Variants in SPAG16 observed in about 807,000 individuals in gnomAD.
SPAG16 encodes the protein sperm associated antigen 16, also known as sperm-associated antigen 16 protein.
SPAG16 carries 86 observed loss-of-function variants against 80.4 expected under a neutral mutation model. The ratio of observed to expected loss-of-function variants is 1.07; its 90% confidence interval spans 0.90 to 1.28. The LOEUF (loss-of-function observed/expected upper bound fraction) is 1.28. Among genes scored for constraint, SPAG16 ranks in the 50% most tolerant of loss-of-function variants. The pLI is 0.00. For missense variants in SPAG16, 870 were observed against 765.3 expected (o/e 1.14, Z -1.61); for synonymous variants, 294 against 265.9 (o/e 1.11, Z -1.03).
chr2:213,481,411 T>C (rs2073743374), intron 9 of SPAG16, among the ~76,000 whole-genome samples: 1 of 152,242 alleles, frequency 6.6e-6, no homozygotes, highest in Admixed American at 6.5e-5. Flanking sequence ...TTTCAATTAA[T>C]TGCTTACATT....
intron 15 of SPAG16, among the ~76,000 whole-genome samples, chr2:214,387,652 C>G (rs1700835094): frequency 6.6e-6 from 1 of 152,162 alleles, no homozygotes; most frequent in Non-Finnish European, 1.5e-5. Context: ...GTTTAATTCA[C>G]TCACAGTTCA....
At chr2:213,921,441 G>C (rs2078219963) in intron 11 of SPAG16, among the ~76,000 whole-genome samples, 2 of 152,120 alleles carry the variant, frequency 1.3e-5, no homozygotes, top group South Asian at 4.2e-4. Flanking sequence ...ATGTGAGATG[G>C]GTCTCTTGAA....
chr2:213,804,555 C>A (rs1355304282), intron 10 of SPAG16, among the ~76,000 whole-genome samples: 1 of 152,078 alleles, frequency 6.6e-6, no homozygotes, highest in Non-Finnish European at 1.5e-5. Flanking sequence ...TGGTGGCAGG[C>A]GCCTGTAGTC....
At chr2:213,641,220 G>C (rs1336033041) in intron 10 of SPAG16, among the ~76,000 whole-genome samples, 2 of 152,248 alleles carry the variant, frequency 1.3e-5, no homozygotes, top group African/African-American at 4.8e-5. Flanking sequence ...GGAAGTGGAG[G>C]AAAGCTGGCA....
intron 15 of SPAG16, among the ~76,000 whole-genome samples, chr2:214,159,372 C>A: frequency 6.6e-6 from 1 of 151,812 alleles, no homozygotes; most frequent in African/African-American, 2.4e-5. Context: ...ACTGCATGAC[C>A]CAAAGTCAAG....
Position 213,454,272 on chromosome 2 carries a change from A to G in SPAG16, c.943-35691A>G, listed in dbSNP as rs572130330. Among the ~76,000 whole-genome samples, 6 of 152,320 alleles carry G rather than the reference A, an allele frequency of 3.9e-5. No homozygotes were observed. The East Asian group carries it at 1.2e-3, about 29-fold the overall frequency. ...AAAATTTTCTTGATGTTAGCAAACT[A>G]TGGATCATATCTTAAGAAAGCAGTG... On this transcript the variant is annotated intron_variant, in intron 9 of 15. Coordinates refer to ENST00000331683, the MANE Select transcript of SPAG16 (RefSeq NM_024532.5).
chr2:213,317,550 C>G, intron 5 of SPAG16, 194 bp downstream of exon 5: 2 of 1,250,380 alleles, frequency 1.6e-6, no homozygotes, highest in Non-Finnish European at 2.0e-6. Context: ...TATAACTTAC[C>G]AACAAGAAGG....
At position 214,096,486 on chromosome 2, in the gene SPAG16, T is replaced by C. The variant is rs549121726; in HGVS notation, c.1528-11710T>C. Among the ~76,000 whole-genome samples, 302 of 152,154 alleles carry C rather than the reference T, an allele frequency of 2.0e-3. 1 individual carries two copies. Among genetic ancestry groups the C allele is most frequent in the African/African-American group, 7.1e-3 (293 of 41,536 alleles). On this transcript the variant is annotated intron_variant, in intron 13 of 15. Transcript: ENST00000331683. Reference sequence around the variant, plus strand: ...TTAAATATAGTCTAATGTAAGGTGATTGGAATATATATATTCCGATACACA... The same window carrying C: ...TTAAATATAGTCTAATGTAAGGTGACTGGAATATATATATTCCGATACACA...
At chr2:213,914,826 G>A (rs1462303561) in intron 11 of SPAG16, among the ~76,000 whole-genome samples, 1 of 152,102 alleles carries the variant, frequency 6.6e-6, no homozygotes, top group Non-Finnish European at 1.5e-5. Flanking sequence ...CCATTTTAAT[G>A]GAGTTGTTTG....
At chr2:213,539,341 T>C (rs965462472) in intron 10 of SPAG16, among the ~76,000 whole-genome samples, 5 of 152,180 alleles carry the variant, frequency 3.3e-5, no homozygotes, top group South Asian at 2.1e-4. Flanking sequence ...TCTGAAGTCA[T>C]AGCTTGTGGT....
chr2:213,901,331 C>T (rs2077212561), intron 11 of SPAG16, among the ~76,000 whole-genome samples: 1 of 152,130 alleles, frequency 6.6e-6, no homozygotes, highest in Non-Finnish European at 1.5e-5. Context: ...CTCAGACTGT[C>T]AGCAGCTAAA....
At chr2:213,355,710 A>G (rs1482543131) in intron 7 of SPAG16, among the ~76,000 whole-genome samples, 4 of 152,202 alleles carry the variant, frequency 2.6e-5, no homozygotes, top group Middle Eastern at 3.4e-3. Flanking sequence ...TTGCACATTG[A>G]TTTTGTATCC....
intron 9 of SPAG16, among the ~76,000 whole-genome samples, chr2:213,411,363 G>A (rs182367641): frequency 7.6e-4 from 115 of 152,276 alleles, no homozygotes; most frequent in Admixed American, 3.0e-3. Flanking sequence ...TAATAAAAAT[G>A]TAGATTGGAT....
chr2:214,315,411 GA>G (rs1465748585), intron 15 of SPAG16, among the ~76,000 whole-genome samples: 1 of 152,150 alleles, frequency 6.6e-6, no homozygotes, highest in East Asian at 1.9e-4. Flanking sequence ...GAAAAAGCAT[GA>G]GAAATTTCAT....
intron 10 of SPAG16, among the ~76,000 whole-genome samples, chr2:213,524,334 G>T (rs1211125435): frequency 6.6e-6 from 1 of 152,234 alleles, no homozygotes; most frequent in African/African-American, 2.4e-5. Flanking sequence ...GCAGAAGTTT[G>T]CTGCAGGGGT....
chr2:214,100,665 G>A (rs990145489), intron 13 of SPAG16, among the ~76,000 whole-genome samples: 2 of 152,016 alleles, frequency 1.3e-5, no homozygotes, highest in Non-Finnish European at 2.9e-5. Context: ...TGCTATGTTA[G>A]TTCACTTAAG....
At chr2:214,241,617 T>C (rs1436499003) in intron 15 of SPAG16, among the ~76,000 whole-genome samples, 1 of 152,154 alleles carries the variant, frequency 6.6e-6, no homozygotes, top group Non-Finnish European at 1.5e-5. Flanking sequence ...TAAATAGAAA[T>C]AAATTGATGA....
chr2:213,537,284 C>G (rs974261424), intron 10 of SPAG16, among the ~76,000 whole-genome samples: 1 of 151,748 alleles, frequency 6.6e-6, no homozygotes, highest in Non-Finnish European at 1.5e-5. Context: ...TCACATTGTG[C>G]ACATGTACCC....
intron 15 of SPAG16, among the ~76,000 whole-genome samples, chr2:214,365,685 T>C (rs879373616): frequency 1.2e-4 from 19 of 152,158 alleles, no homozygotes; most frequent in African/African-American, 4.1e-4. Flanking sequence ...ATACTTTAGA[T>C]CTTTTGAAAT....
Sources: allele counts gnomAD v4.1 joint callset (sites outside exome capture counted in the v4.1 genomes callset), GRCh38; gene constraint gnomAD v4.1.1; transcripts MANE v1.5; gene names NCBI Gene and HGNC (gene_info 2026-07-23, HGNC 2026-07-21).